KANSL1L: variants seen among roughly 807,000 people sequenced by gnomAD.
KANSL1L encodes the protein KAT8 regulatory NSL complex subunit 1 like.
Under a neutral mutation model 108.6 loss-of-function variants are expected in KANSL1L, and 25 were observed. The ratio of observed to expected loss-of-function variants is 0.23; its 90% confidence interval spans 0.17 to 0.32. The LOEUF is 0.32. Ranked by LOEUF, KANSL1L falls within the 10% of genes least tolerant of loss-of-function variation. The pLI is 1.00. For synonymous variants in KANSL1L, 405 were observed against 395.1 expected (o/e 1.03, Z -0.30); for missense variants, 1,137 against 1,125.7 (o/e 1.01, Z -0.14).
chr2:210,145,786 T>A (rs2095261344), intron 2 of KANSL1L, among the ~76,000 whole-genome samples: 1 of 152,208 alleles, frequency 6.6e-6, no homozygotes, highest in Non-Finnish European at 1.5e-5. Context: ...AGGCTTGGGT[T>A]GAGGCTAGTC....
At chr2:210,140,533 G>A (rs2095218211) in intron 2 of KANSL1L, among the ~76,000 whole-genome samples, 9 of 152,152 alleles carry the variant, frequency 5.9e-5, no homozygotes, top group African/African-American at 2.4e-5. Flanking sequence ...TAATTCCAGT[G>A]GCATGCTGTT....
intron 5 of KANSL1L, among the ~76,000 whole-genome samples, chr2:210,083,042 A>G (rs2094602647): frequency 6.6e-6 from 1 of 152,188 alleles, no homozygotes; most frequent in African/African-American, 2.4e-5. Context: ...CCCTAAATCA[A>G]ATCAGTGATT....
rs569072484 is a variant in KANSL1L, at chr2:210,067,716, C to CAAAAAAAAAAAAAAA, written c.1755+7821_1755+7835dup. Among the ~76,000 whole-genome samples the CAAAAAAAAAAAAAAA allele has an allele frequency of 2.7e-4, 25 of 92,924 alleles. 1 individual carries two copies. Among genetic ancestry groups the CAAAAAAAAAAAAAAA allele is most frequent in the African/African-American group, 1.0e-3 (22 of 21,748 alleles). 61.0% of individuals were successfully genotyped at this position (92,924 alleles called of 152,430 possible). A position where few individuals can be genotyped will look rare whatever the true frequency, so the allele number is the denominator to read the frequency against. ...GAGTGACAGAGTGAGACCCTGTCTC[C>CAAAAAAAAAAAAAAA]AAAAAAAAAAAAAAAAAAAAAAAAA... On this transcript the variant is annotated intron_variant, in intron 6 of 14. Transcript: ENST00000281772.
chr2:210,034,198 G>C lies in KANSL1L; in HGVS notation c.2030-2652C>G, dbSNP rs546775982. ...ACTAGGATTTGTAGCAGCCCTTGTCGTTTACAGGTGTTAAGGAATGCAATT... is the reference window on the plus strand; with the variant it reads ...ACTAGGATTTGTAGCAGCCCTTGTCCTTTACAGGTGTTAAGGAATGCAATT... On this transcript the variant is annotated intron_variant, in intron 8 of 14. Coordinates refer to ENST00000281772, the MANE Select transcript of KANSL1L (RefSeq NM_152519.4). Among the ~76,000 whole-genome samples the C allele has an allele frequency of 4.6e-5, 7 of 152,282 alleles. No homozygotes were observed. The South Asian group carries it at 1.5e-3, about 32-fold the overall frequency.
chr2:210,143,752 CCTATT>C (rs1221412527), intron 2 of KANSL1L, among the ~76,000 whole-genome samples: 3 of 152,114 alleles, frequency 2.0e-5, no homozygotes, highest in Admixed American at 6.5e-5. Context: ...TTTTATTCCT[CCTATT>C]CTATGCTTTT....
chr2:210,083,456 ACCTTTT>A (rs1272084468), intron 5 of KANSL1L, among the ~76,000 whole-genome samples: 1 of 152,056 alleles, frequency 6.6e-6, no homozygotes, highest in East Asian at 1.9e-4. Flanking sequence ...GTAGGCAGCA[ACCTTTT>A]CCATACTTTC....
intron 9 of KANSL1L, chr2:210,030,727 A>G (rs1215911488): frequency 2.0e-5 from 3 of 152,044 alleles, no homozygotes. Flanking sequence ...GGATCTATAT[A>G]TAAAAATTGG....
Position 210,028,922 on chromosome 2 carries a change from A to G in KANSL1L, c.2319T>C (p.Asp773=). ...CTAATGACATGGGAATCACAATGTTATCTATGTCATAAGAGCTCTCACTTC... is the reference window on the plus strand; with the variant it reads ...CTAATGACATGGGAATCACAATGTTGTCTATGTCATAAGAGCTCTCACTTC... The part of the protein sequence containing the change: ...RLRSESSYDI[D]NIVIPMSLVA... Residue 773 remains aspartate (D), a synonymous_variant, in exon 11 of 15, where the codon GAT becomes GAC. Transcript: ENST00000281772. The G allele has an allele frequency of 6.2e-7, 1 of 1,605,766 alleles. No individual in the cohort carries two copies. The highest frequency in any genetic ancestry group is 8.5e-7 in the Non-Finnish European group (1 of 1,173,174).
chr2:210,049,056 A>C (rs182995333), intron 6 of KANSL1L, among the ~76,000 whole-genome samples: 42 of 152,280 alleles, frequency 2.8e-4, no homozygotes, highest in African/African-American at 7.9e-4. Context: ...AGTAGATCTG[A>C]GTTCTAGTTC....
rs776365409 is a variant in KANSL1L at position 210,098,152 on chromosome 2, G to A, written c.1484C>T (p.Pro495Leu). The change falls in exon 5 of 15, where the codon CCA becomes CTA. Residue 495 changes from proline (P) to leucine (L), a missense_variant. Pro to Leu is a moderately conservative substitution (Grantham distance 98). Transcript: ENST00000281772. Reference protein sequence around the residue: ...NSLIAPLNLSPTSSPLSSKSC... With the variant: ...NSLIAPLNLSLTSSPLSSKSC... ...TTTGGAAGAGAGGGGTGATGAAGTT[G>A]GGGACAAGTTGAGAGGGGCAATCAA... 1 of 1,612,138 alleles carries A rather than the reference G, an allele frequency of 6.2e-7. No homozygotes were observed. Among genetic ancestry groups the A allele is most frequent in the Non-Finnish European group, 8.5e-7 (1 of 1,178,958 alleles).
intron 6 of KANSL1L, among the ~76,000 whole-genome samples, chr2:210,047,776 T>C (rs1318865177): frequency 2.0e-5 from 3 of 152,192 alleles, no homozygotes; most frequent in Non-Finnish European, 4.4e-5. Flanking sequence ...CAATGACAGA[T>C]GGTATGTTTT....
chr2:210,122,476 G>A (rs1019063240), intron 3 of KANSL1L, among the ~76,000 whole-genome samples: 1 of 152,076 alleles, frequency 6.6e-6, no homozygotes, highest in South Asian at 2.1e-4. Context: ...CTATCCATAT[G>A]CAGAAGAATA....
In KANSL1L at chr2:210,072,191, C is replaced by T. The variant is rs185425131; in HGVS notation, c.1755+3361G>A. Among the ~76,000 whole-genome samples, 458 of 152,230 alleles carry T rather than the reference C, an allele frequency of 3.0e-3. 3 individuals carry two copies. The highest frequency in any genetic ancestry group is 0.01 in the African/African-American group (436 of 41,536). On this transcript the variant is annotated intron_variant, in intron 6 of 14. Transcript: ENST00000281772. ...GTGTCTCTTTCAATCTAAAACAAGTCCTTAGCCTTTCTTGGCTTTCATGAC... is the reference window on the plus strand; with the variant it reads ...GTGTCTCTTTCAATCTAAAACAAGTTCTTAGCCTTTCTTGGCTTTCATGAC...
chr2:210,132,273 A>G (rs1276557633), intron 2 of KANSL1L, among the ~76,000 whole-genome samples: 1 of 152,198 alleles, frequency 6.6e-6, no homozygotes, highest in Admixed American at 6.6e-5. Flanking sequence ...CAGTGTAACC[A>G]AATAGCATAT....
At chr2:210,084,182 G>A (rs950668260) in intron 5 of KANSL1L, among the ~76,000 whole-genome samples, 2 of 152,144 alleles carry the variant, frequency 1.3e-5, no homozygotes, top group South Asian at 4.1e-4. Context: ...AGCACTTTGG[G>A]AGGCCGACAC....
intron 6 of KANSL1L, among the ~76,000 whole-genome samples, chr2:210,054,373 A>G (rs761247791): frequency 4.6e-5 from 7 of 151,488 alleles, no homozygotes; most frequent in Non-Finnish European, 7.4e-5. Flanking sequence ...TTTTTTACCT[A>G]TTGTATTGGC....
Position 210,044,179 on chromosome 2 carries a change from T to C in KANSL1L, c.1756-75A>G, listed in dbSNP as rs560278780. On this transcript the variant is annotated intron_variant, in intron 6 of 14. Transcript: ENST00000281772. The surrounding 1 kb of genome is among the most constrained non-coding windows in gnomAD (Gnocchi z 4.2). ...GGCATATCTCTACATTTATTTAGGT[T>C]ATCTTTAAATAAAATTTTCCAGTTC... is the stretch of plus-strand genomic sequence containing the variant. 4.0e-6 allele frequency: 4 copies of C among 1,011,522 alleles called. No individual in the cohort carries two copies. In the Admixed American group the frequency reaches 9.3e-5, roughly 24 times the overall value. 62.7% of individuals were successfully genotyped at this position (1,011,522 alleles called of 1,614,324 possible).
chr2:210,064,858 G>A lies in KANSL1L; in HGVS notation c.1755+10694C>T, dbSNP rs187706996. Among the ~76,000 whole-genome samples the A allele has an allele frequency of 2.1e-3, 315 of 149,126 alleles. 1 individual carries two copies. The highest frequency in any genetic ancestry group is 7.2e-3 in the African/African-American group (294 of 40,716). ...AAAAAACACAGGAAAAAAAATTAGT[G>A]TAACACTTCCTTACAAAAAAGTGGA... On this transcript the variant is annotated intron_variant, in intron 6 of 14. Transcript: ENST00000281772.
intron 1 of KANSL1L, among the ~76,000 whole-genome samples, 177 bp downstream of exon 1, chr2:210,170,972 A>G (rs893836934): frequency 6.7e-6 from 1 of 150,298 alleles, no homozygotes; most frequent in African/African-American, 2.4e-5. Flanking sequence ...CTAGAGCGCG[A>G]TCCCGTGCCG....
Sources: allele counts gnomAD v4.1 joint callset (sites outside exome capture counted in the v4.1 genomes callset), GRCh38; gene constraint gnomAD v4.1.1; non-coding constraint Gnocchi (gnomAD v3.1); transcripts MANE v1.5; gene names NCBI Gene and HGNC (gene_info 2026-07-23, HGNC 2026-07-21).